FHIT: variants seen among roughly 807,000 people sequenced by gnomAD.
The protein encoded by FHIT is bis(5'-adenosyl)-triphosphatase.
A neutral mutation model predicts 17.9 loss-of-function variants in FHIT; 19 were observed. The ratio of observed to expected loss-of-function variants is 1.06; its 90% confidence interval spans 0.74 to 1.56. The LOEUF (loss-of-function observed/expected upper bound fraction) is 1.56. FHIT is among the 40% of genes most tolerant of loss of function. The pLI, the probability that FHIT is intolerant of heterozygous loss-of-function variation, is 0.00. For missense variants in FHIT, 248 were observed against 189.2 expected (o/e 1.31, Z -1.82); for synonymous variants, 81 against 69.7 (o/e 1.16, Z -0.81).
chr3:60,761,275 A>G (rs1434659252), intron 4 of FHIT, among the ~76,000 whole-genome samples: 2 of 152,248 alleles, frequency 1.3e-5, no homozygotes, highest in African/African-American at 2.4e-5. Flanking sequence ...TGAAATGAAT[A>G]CAAGATAACA....
intron 3 of FHIT, among the ~76,000 whole-genome samples, chr3:60,842,088 T>C (rs1702741032): frequency 6.6e-6 from 1 of 152,096 alleles, no homozygotes; most frequent in Admixed American, 6.5e-5. Context: ...TAGGACATCC[T>C]AGAGAGTAGT....
intron 3 of FHIT, among the ~76,000 whole-genome samples, chr3:60,880,300 A>T (rs782708629): frequency 2.0e-5 from 3 of 152,250 alleles, no homozygotes; most frequent in African/African-American, 7.2e-5. Context: ...AATGAGGAAG[A>T]AATAAAACGT....
intron 5 of FHIT, among the ~76,000 whole-genome samples, chr3:60,134,419 A>G (rs1308097097): frequency 6.6e-6 from 1 of 152,236 alleles, no homozygotes; most frequent in Non-Finnish European, 1.5e-5. Context: ...GAATGGTTAT[A>G]ATTCATCCAA....
At chr3:59,840,287 A>G (rs549866464) in intron 8 of FHIT, among the ~76,000 whole-genome samples, 1 of 152,140 alleles carries the variant, frequency 6.6e-6, no homozygotes, top group South Asian at 2.1e-4. Flanking sequence ...TGAGGTTACC[A>G]ACTCAGACAC....
At chr3:60,729,519 C>T (rs1323120585) in intron 4 of FHIT, among the ~76,000 whole-genome samples, 1 of 152,080 alleles carries the variant, frequency 6.6e-6, no homozygotes, top group African/African-American at 2.4e-5. Flanking sequence ...TAAAAGTGCC[C>T]AGCCTGGCAG....
intron 5 of FHIT, among the ~76,000 whole-genome samples, chr3:60,310,025 G>A (rs1182539640): frequency 6.6e-6 from 1 of 152,128 alleles, no homozygotes. Context: ...CAATTACTGA[G>A]CACCTGCCTG....
intron 2 of FHIT, among the ~76,000 whole-genome samples, chr3:61,092,738 A>C (rs1265944277): frequency 6.6e-6 from 1 of 152,208 alleles, no homozygotes; most frequent in Non-Finnish European, 1.5e-5. Context: ...GATGATATTT[A>C]TGCTCATAAA....
intron 5 of FHIT, among the ~76,000 whole-genome samples, chr3:60,149,307 G>A (rs1261406808): frequency 6.6e-6 from 1 of 150,692 alleles, no homozygotes; most frequent in Non-Finnish European, 1.5e-5. Flanking sequence ...TCCACCAGCA[G>A]AAATAGAATA....
chr3:60,339,663 A>C (rs1367280329), intron 5 of FHIT, among the ~76,000 whole-genome samples: 1 of 152,218 alleles, frequency 6.6e-6, no homozygotes, highest in African/African-American at 2.4e-5. Flanking sequence ...CAACATGACA[A>C]AAGTGGAATC....
intron 4 of FHIT, chr3:60,617,217 G>C (rs528212306): frequency 5.7e-6 from 1 of 175,452 alleles, no homozygotes; most frequent in East Asian, 1.5e-4. Flanking sequence ...CAAAACAATG[G>C]GATCTATGAA....
intron 5 of FHIT, among the ~76,000 whole-genome samples, chr3:60,117,315 T>C (rs1705010337): frequency 6.6e-6 from 1 of 152,132 alleles, no homozygotes; most frequent in Non-Finnish European, 1.5e-5. Flanking sequence ...GGCAAAAACT[T>C]CTAGAAAGAA....
At chr3:60,604,482 C>T (rs374405434) in intron 4 of FHIT, among the ~76,000 whole-genome samples, 20 of 152,156 alleles carry the variant, frequency 1.3e-4, no homozygotes, top group East Asian at 1.2e-3. Flanking sequence ...GCATTTTTGC[C>T]GCAGATAAAA....
chr3:60,487,423 C>G (rs1009589955), intron 5 of FHIT, among the ~76,000 whole-genome samples: 3 of 152,086 alleles, frequency 2.0e-5, no homozygotes, highest in Non-Finnish European at 4.4e-5. Context: ...AAATATTATC[C>G]AAGTAGGGGA....
intron 3 of FHIT, among the ~76,000 whole-genome samples, chr3:60,823,480 G>A (rs551962940): frequency 1.2e-4 from 18 of 152,256 alleles, no homozygotes; most frequent in East Asian, 1.9e-4. Context: ...GGATGACCAC[G>A]TGAAGACACA....
chr3:59,779,757 T>G (rs1702487948), intron 8 of FHIT, among the ~76,000 whole-genome samples: 1 of 152,180 alleles, frequency 6.6e-6, no homozygotes, highest in Admixed American at 6.5e-5. Flanking sequence ...TTCACCTCCA[T>G]TTTGACTTGA....
intron 5 of FHIT, among the ~76,000 whole-genome samples, chr3:60,346,677 A>C (rs2106924106): frequency 6.6e-6 from 1 of 152,306 alleles, no homozygotes; most frequent in East Asian, 1.9e-4. Flanking sequence ...GTGTGACAAG[A>C]ACCCAGTTTT....
At chr3:59,764,448 G>T (rs1473998455) in intron 8 of FHIT, among the ~76,000 whole-genome samples, 1 of 152,174 alleles carries the variant, frequency 6.6e-6, no homozygotes, top group Non-Finnish European at 1.5e-5. Context: ...TTCTGCTTCT[G>T]ATTACAAAAC....
chr3:59,977,959 G>C (rs888489209), intron 7 of FHIT, among the ~76,000 whole-genome samples: 3 of 152,144 alleles, frequency 2.0e-5, no homozygotes, highest in Non-Finnish European at 4.4e-5. Flanking sequence ...CAGTCATGAA[G>C]TTGTTTGTGA....
At chr3:59,905,105 G>T (rs1371753981) in intron 8 of FHIT, among the ~76,000 whole-genome samples, 1 of 152,186 alleles carries the variant, frequency 6.6e-6, no homozygotes, top group Admixed American at 6.5e-5. Context: ...GTTTCACTGG[G>T]GACCCACCCC....
Sources: allele counts gnomAD v4.1 joint callset (sites outside exome capture counted in the v4.1 genomes callset), GRCh38; gene constraint gnomAD v4.1.1; transcripts MANE v1.5; gene names NCBI Gene and HGNC (gene_info 2026-07-23, HGNC 2026-07-21).